Variants in KNTC1 observed in about 807,000 individuals in gnomAD.
KNTC1 encodes kinetochore-associated protein 1.
In KNTC1, 253 loss-of-function variants were observed where a neutral mutation model predicts 314.4. That is an observed-to-expected ratio of 0.80 (90% CI 0.73 to 0.89). The LOEUF (loss-of-function observed/expected upper bound fraction) is 0.89, where lower values mean the gene tolerates loss of function less well. Ranked by LOEUF, KNTC1 falls within the 40% of genes least tolerant of loss-of-function variation. The probability of loss-of-function intolerance (pLI) is 0.00; values close to 1 mark genes in which losing one functional copy is unlikely to be tolerated. For missense variants in KNTC1, 2,475 were observed against 2,572.9 expected (o/e 0.96, Z 0.82); for synonymous variants, 901 against 901.4 (o/e 1.00, Z 0.01).
At chr12:122,580,156 GA>G in intron 32 of KNTC1, among the ~76,000 whole-genome samples, 179 bp downstream of exon 32, 1 of 152,224 alleles carries the variant, frequency 6.6e-6, no homozygotes, top group East Asian at 1.9e-4. Flanking sequence ...AGCAATTCAA[GA>G]ACAGATGCAT....
chr12:122,562,964 G>A (rs980957506), intron 20 of KNTC1, among the ~76,000 whole-genome samples: 1 of 151,664 alleles, frequency 6.6e-6, no homozygotes, highest in African/African-American at 2.4e-5. Context: ...AGCCGAGATC[G>A]TGCCACTGCA....
At chr12:122,546,569 A>T in intron 9 of KNTC1, 53 bp from the exon 10 acceptor site, 1 of 1,127,570 alleles carries the variant, frequency 8.9e-7, no homozygotes, top group Non-Finnish European at 1.3e-6. Flanking sequence ...TTTTATTTAG[A>T]TATATGAAAT....
rs376412064 is a variant in KNTC1, at chr12:122,573,109, C to G, written c.2140-33C>G. 6 of 1,613,538 alleles carry G rather than the reference C, an allele frequency of 3.7e-6. No individual in the cohort carries two copies. The African/African-American group carries it at 8.0e-5, about 22-fold the overall frequency. On this transcript the variant is annotated intron_variant, in intron 25 of 63. Transcript: ENST00000333479. Reference sequence around the variant, plus strand: ...TTGTATATCAAGTTATGGGTAGAGTCTGTATTTATTCCATCTTTCTTTTGG... The same window carrying G: ...TTGTATATCAAGTTATGGGTAGAGTGTGTATTTATTCCATCTTTCTTTTGG...
chr12:122,574,468 T>G, intron 27 of KNTC1, 88 bp downstream of exon 27: 2 of 780,718 alleles, frequency 2.6e-6, no homozygotes, highest in Non-Finnish European at 4.1e-6. Flanking sequence ...CGACATATAT[T>G]TGTTTTTGTT....
intron 2 of KNTC1, among the ~76,000 whole-genome samples, chr12:122,532,001 G>A (rs1226898990): frequency 1.3e-5 from 2 of 150,198 alleles, no homozygotes; most frequent in African/African-American, 2.5e-5. Flanking sequence ...CCAAAGTGCT[G>A]GGATTACAGG....
intron 3 of KNTC1, among the ~76,000 whole-genome samples, chr12:122,537,419 C>T (rs1961927844): frequency 1.3e-5 from 2 of 150,958 alleles, no homozygotes; most frequent in African/African-American, 2.4e-5. Flanking sequence ...TGTTTATCAG[C>T]TATTTTTTTT....
chr12:122,575,740 T>C, intron 28 of KNTC1, 60 bp from the exon 29 acceptor site: 3 of 1,499,872 alleles, frequency 2.0e-6, no homozygotes, highest in Non-Finnish European at 2.8e-6. Context: ...TTGTTTGCTG[T>C]GTCCCATAGT....
intron 16 of KNTC1, among the ~76,000 whole-genome samples, chr12:122,554,872 G>A (rs1442196533): frequency 2.0e-5 from 3 of 152,168 alleles, no homozygotes; most frequent in African/African-American, 7.2e-5. Context: ...AAAATTGGTT[G>A]TCTTTAAAAA....
At chr12:122,551,781 T>C (rs961050706) in intron 16 of KNTC1, 85 bp downstream of exon 16, 13 of 1,000,124 alleles carry the variant, frequency 1.3e-5, no homozygotes, top group Non-Finnish European at 2.1e-5. Flanking sequence ...TAATATATAA[T>C]TGGAATTTAG....
At chr12:122,568,950 A>T (rs542786191) in intron 21 of KNTC1, among the ~76,000 whole-genome samples, 1 of 152,314 alleles carries the variant, frequency 6.6e-6, no homozygotes, top group South Asian at 2.1e-4. Context: ...AATCATTAAG[A>T]ATCTAGCTTC....
At chr12:122,618,461 G>GTTTTTTTTTTTTTTTTTT (rs139890796) in intron 58 of KNTC1, 21 bp from the exon 59 acceptor site, 6 of 1,559,408 alleles carry the variant, frequency 3.8e-6, no homozygotes, top group African/African-American at 1.4e-5. Context: ...TATCATGGTT[G>GTTTTTTTTTTTTTTTTTT]TTTTTTTGTT....
At chr12:122,602,947 TAGA>T (rs1414833634) in intron 47 of KNTC1, 60 bp downstream of exon 47, 10 of 1,546,010 alleles carry the variant, frequency 6.5e-6, no homozygotes, top group Non-Finnish European at 8.0e-6. Context: ...TGACCCCGTA[TAGA>T]AGATTTTTCT....
chr12:122,579,402 C>T (rs1201085703), intron 31 of KNTC1, among the ~76,000 whole-genome samples: 1 of 152,086 alleles, frequency 6.6e-6, no homozygotes, highest in Non-Finnish European at 1.5e-5. Context: ...GAATTGCTCC[C>T]GTTATGAAAA....
chr12:122,580,465 A>G, intron 32 of KNTC1, 138 bp from the exon 33 acceptor site: 1 of 544,720 alleles, frequency 1.8e-6, no homozygotes. Context: ...GTACTTAGTT[A>G]CTGTATATTA....
intron 18 of KNTC1, among the ~76,000 whole-genome samples, chr12:122,561,385 C>G (rs535937270): frequency 1.3e-5 from 2 of 151,402 alleles, no homozygotes; most frequent in Non-Finnish European, 2.9e-5. Context: ...TTTTGGCATG[C>G]AATTTTTGCA....
intron 18 of KNTC1, among the ~76,000 whole-genome samples, chr12:122,558,606 A>G (rs1314113674): frequency 6.6e-6 from 1 of 150,990 alleles, no homozygotes; most frequent in Non-Finnish European, 1.5e-5. Flanking sequence ...TGGCTGGGTG[A>G]GGTGTCTCAT....
At chr12:122,535,430 CAG>C (rs1167065641) in intron 3 of KNTC1, among the ~76,000 whole-genome samples, 1 of 152,098 alleles carries the variant, frequency 6.6e-6, no homozygotes, top group African/African-American at 2.4e-5. Flanking sequence ...TGCCTGAGCT[CAG>C]GGGTTTGAGA....
rs925857725 is a variant in KNTC1 at position 122,601,877 on chromosome 12, C to T, written c.4653+252C>T. On this transcript the variant is annotated intron_variant, in intron 45 of 63. Transcript: ENST00000333479. Reference sequence around the variant, plus strand: ...TGATTTAAATAACCTCTCCTGCTGTCGAAGAGTATGAAGTCACTACAGAAC... The same window carrying T: ...TGATTTAAATAACCTCTCCTGCTGTTGAAGAGTATGAAGTCACTACAGAAC... 3 of 288,190 alleles carry T rather than the reference C, an allele frequency of 1.0e-5. 1 individual carries two copies. The highest frequency in any genetic ancestry group is 9.3e-5 in the South Asian group (2 of 21,436). The allele number at this position is 288,190 out of a possible 1,614,324, so 17.9% of individuals were successfully genotyped here. A position where few individuals can be genotyped will look rare whatever the true frequency, so the allele number is the denominator to read the frequency against.
chr12:122,541,054 C>T (rs895798115), intron 5 of KNTC1, among the ~76,000 whole-genome samples: 3 of 151,872 alleles, frequency 2.0e-5, no homozygotes, highest in African/African-American at 7.3e-5. Flanking sequence ...GTCTGTAGTC[C>T]CACTTTCTCA....
Sources: gnomAD v4.1 joint callset for allele counts (sites outside exome capture counted in the v4.1 genomes callset) on GRCh38, gnomAD v4.1.1 for gene constraint, MANE v1.5 for transcripts, NCBI Gene and HGNC (gene_info 2026-07-23, HGNC 2026-07-21) for gene names.